KLHDC4: variants seen among roughly 807,000 people sequenced by gnomAD.
The protein encoded by KLHDC4 is kelch domain containing 4, also known as kelch domain-containing protein 4.
Under a neutral mutation model 62.4 loss-of-function variants are expected in KLHDC4, and 90 were observed. The observed-to-expected ratio is 1.44, with a 90% CI of 1.22 to 1.72. The LOEUF is 1.72. KLHDC4 is among the 40% of genes most tolerant of loss of function. KLHDC4 has a pLI of 0.00. For missense variants in KLHDC4, 1,025 were observed against 699.7 expected (o/e 1.47, Z -5.25); for synonymous variants, 386 against 284.4 (o/e 1.36, Z -3.59).
At chr16:87,750,050 G>C (rs1465861205) in intron 4 of KLHDC4, among the ~76,000 whole-genome samples, 2 of 152,170 alleles carry the variant, frequency 1.3e-5, no homozygotes, top group Non-Finnish European at 2.9e-5. Context: ...CGGGTCATCA[G>C]ACACCACCGG....
chr16:87,711,195 G>A (rs760854648), intron 9 of KLHDC4, 40 bp downstream of exon 9: 1 of 1,604,476 alleles, frequency 6.2e-7, no homozygotes, highest in Non-Finnish European at 8.5e-7. Context: ...CCAAGTTAGG[G>A]CTGCGCACCA....
chr16:87,744,932 G>T (rs879323863), intron 5 of KLHDC4, among the ~76,000 whole-genome samples: 5 of 152,106 alleles, frequency 3.3e-5, no homozygotes, highest in Non-Finnish European at 7.4e-5. Context: ...GGCATAGACA[G>T]GCACATGCAC....
intron 7 of KLHDC4, among the ~76,000 whole-genome samples, chr16:87,715,380 G>A (rs1330618813): frequency 6.6e-6 from 1 of 152,030 alleles, no homozygotes; most frequent in Non-Finnish European, 1.5e-5. Context: ...CCTCTCCTTG[G>A]CGCCCTTGTG....
chr16:87,761,150 G>C (rs1212049243), intron 2 of KLHDC4, among the ~76,000 whole-genome samples: 1 of 152,234 alleles, frequency 6.6e-6, no homozygotes, highest in East Asian at 1.9e-4. Context: ...TGAAAACCAG[G>C]AAGGACACTG....
chr16:87,706,941 G>A (rs548127894), downstream of KLHDC4, among the ~76,000 whole-genome samples: 15 of 152,172 alleles, frequency 9.9e-5, no homozygotes, highest in Middle Eastern at 3.4e-3. Flanking sequence ...GCTTCCACCC[G>A]CCCAGCACCG....
At chr16:87,765,395 A>C (rs1323570316) in intron 1 of KLHDC4, 1 of 475,986 alleles carries the variant, frequency 2.1e-6, no homozygotes, top group Non-Finnish European at 4.2e-6. Flanking sequence ...CCCAGACCAC[A>C]CATCATGCAG....
chr16:87,756,371 G>C, intron 3 of KLHDC4, 28 bp downstream of exon 3: 1 of 1,525,840 alleles, frequency 6.6e-7, no homozygotes, highest in Non-Finnish European at 9.1e-7. Flanking sequence ...CGCAACATGG[G>C]AAGAAAAGAA....
At position 87,721,705 on chromosome 16, in the gene KLHDC4, G is replaced by A. The variant is rs149536852; in HGVS notation, c.759+5060C>T. ...GGAGCTCAGCTCCCAAGTGGCAAATGAAAGGACGCTCTGGCCTCTGCCAGC... is the reference window on the plus strand; with the variant it reads ...GGAGCTCAGCTCCCAAGTGGCAAATAAAAGGACGCTCTGGCCTCTGCCAGC... On this transcript the variant is annotated intron_variant, in intron 7 of 11. Transcript: ENST00000270583. Among the ~76,000 whole-genome samples the A allele has an allele frequency of 4.0e-3, 610 of 152,352 alleles. 4 individuals are homozygous for A. Among genetic ancestry groups the A allele is most frequent in the African/African-American group, 0.014 (579 of 41,586 alleles).
chr16:87,735,254 C>T (rs975926683), intron 5 of KLHDC4, among the ~76,000 whole-genome samples: 4 of 150,220 alleles, frequency 2.7e-5, no homozygotes, highest in East Asian at 3.9e-4. Context: ...GAGCAGAGAT[C>T]GCACCACTGC....
intron 7 of KLHDC4, among the ~76,000 whole-genome samples, chr16:87,722,079 A>T (rs1224393193): frequency 6.6e-6 from 1 of 152,182 alleles, no homozygotes; most frequent in Non-Finnish European, 1.5e-5. Context: ...AGTCTTTGAC[A>T]CGTGAATGTT....
intron 7 of KLHDC4, among the ~76,000 whole-genome samples, chr16:87,717,943 T>G (rs1387806643): frequency 6.6e-6 from 1 of 152,126 alleles, no homozygotes; most frequent in Admixed American, 6.5e-5. Flanking sequence ...GTACTTCCCC[T>G]CCAGACCATG....
rs1161137706 is a variant in KLHDC4 at position 87,765,936 on chromosome 16, C to A, written c.-46G>T. On this transcript the variant is annotated 5_prime_UTR_variant, in exon 1 of 12. Coordinates refer to ENST00000270583, the MANE Select transcript of KLHDC4 (RefSeq NM_017566.4). ...GACGGGACACCAGGAAAGAAAACGG[C>A]CCGCGCTCTCCGCTCGGAAACAGGT... is the stretch of plus-strand genomic sequence containing the variant. 6.6e-7 allele frequency: 1 copy of A among 1,524,070 alleles called. No homozygotes were observed. The allele number at this position is 1,524,070 out of a possible 1,614,324, so 94.4% of individuals were successfully genotyped here.
intron 4 of KLHDC4, among the ~76,000 whole-genome samples, chr16:87,753,312 C>T (rs1304870804): frequency 1.3e-5 from 2 of 152,188 alleles, no homozygotes; most frequent in South Asian, 2.1e-4. Context: ...TTACACAGGG[C>T]TTGGAAACAG....
At chr16:87,765,320 G>T in intron 1 of KLHDC4, 2 of 456,510 alleles carry the variant, frequency 4.4e-6, no homozygotes, top group Non-Finnish European at 8.8e-6. Context: ...GCTCAGGGCT[G>T]CTGTGATGAT....
At chr16:87,755,313 G>A (rs1597374920) in intron 3 of KLHDC4, 21 bp from the exon 4 acceptor site, 1 of 1,312,926 alleles carries the variant, frequency 7.6e-7, no homozygotes, top group South Asian at 1.2e-5. Context: ...GAAGAAGAAT[G>A]TCAGTGTCAC....
exon 1 of KLHDC4, chr16:87,701,616 G>A (rs2034146608): frequency 4.5e-6 from 2 of 441,396 alleles, no homozygotes; most frequent in African/African-American, 4.0e-5. Context: ...GAGTGGGCCA[G>A]GCAACAACCT....
At chr16:87,758,128 T>C (rs888373041) in intron 2 of KLHDC4, among the ~76,000 whole-genome samples, 29 of 152,228 alleles carry the variant, frequency 1.9e-4, no homozygotes, top group Admixed American at 1.8e-3. Flanking sequence ...ATTGGGGATT[T>C]ATTTGCATAG....
At chr16:87,749,994 G>A (rs1361334064) in intron 4 of KLHDC4, among the ~76,000 whole-genome samples, 1 of 152,204 alleles carries the variant, frequency 6.6e-6, no homozygotes, top group African/African-American at 2.4e-5. Context: ...AGCAGGGGAT[G>A]CTGAGGAGAG....
At chr16:87,738,206 T>C (rs534250922) in intron 5 of KLHDC4, among the ~76,000 whole-genome samples, 1 of 152,240 alleles carries the variant, frequency 6.6e-6, no homozygotes, top group South Asian at 2.1e-4. Flanking sequence ...GGTCCTTCAC[T>C]ACAGAATCGT....
Sources: gnomAD v4.1 joint callset for allele counts (sites outside exome capture counted in the v4.1 genomes callset) on GRCh38, gnomAD v4.1.1 for gene constraint, MANE v1.5 for transcripts, NCBI Gene and HGNC (gene_info 2026-07-23, HGNC 2026-07-21) for gene names.